Variants in PPP2CB observed in about 807,000 individuals in gnomAD.
PPP2CB encodes the protein protein phosphatase 2 catalytic subunit beta.
A neutral mutation model predicts 39.1 loss-of-function variants in PPP2CB; 18 were observed. That is an observed-to-expected ratio of 0.46 (90% confidence interval 0.32 to 0.68). PPP2CB has a LOEUF of 0.68. PPP2CB is among the 30% of genes least tolerant of loss of function. The probability of loss-of-function intolerance (pLI) is 0.04; values close to 1 mark genes in which losing one functional copy is unlikely to be tolerated. For synonymous variants in PPP2CB, 129 were observed against 133.8 expected, an observed-to-expected ratio of 0.96 and a Z score of 0.25; for missense variants, 226 against 396.9, an observed-to-expected ratio of 0.57 and a Z score of 3.66.
chr8:30,803,416 A>G (rs889262513), intron 1 of PPP2CB, among the ~76,000 whole-genome samples: 15 of 152,096 alleles, frequency 9.9e-5, no homozygotes, highest in Non-Finnish European at 1.5e-4. Context: ...GTGGTTGTGT[A>G]TTCCTGTAGT....
intron 3 of PPP2CB, among the ~76,000 whole-genome samples, chr8:30,795,976 G>A (rs1806515391): frequency 1.3e-5 from 2 of 152,252 alleles, no homozygotes; most frequent in Middle Eastern, 3.4e-3. Context: ...AAGGAAGGAA[G>A]GAGGAAGGGA....
At chr8:30,806,293 A>G (rs1157922856) in intron 1 of PPP2CB, among the ~76,000 whole-genome samples, 1 of 151,650 alleles carries the variant, frequency 6.6e-6, no homozygotes, top group Non-Finnish European at 1.5e-5. Flanking sequence ...TGACCTCATG[A>G]TCCGCCTGCC....
At chr8:30,791,101 ACTC>A in intron 6 of PPP2CB, 93 bp downstream of exon 6, 2 of 755,304 alleles carry the variant, frequency 2.6e-6, no homozygotes, top group South Asian at 4.0e-5. Flanking sequence ...GCTTTGCTAT[ACTC>A]CTCATCCAAT....
intron 6 of PPP2CB, chr8:30,786,582 T>C (rs979967756): frequency 9.2e-5 from 18 of 194,830 alleles, no homozygotes; most frequent in Non-Finnish European, 1.4e-4. Flanking sequence ...AAAGCTTAAA[T>C]AATTAAAGAT....
intron 1 of PPP2CB, among the ~76,000 whole-genome samples, chr8:30,803,914 C>T (rs1478697698): frequency 6.6e-6 from 1 of 152,004 alleles, no homozygotes; most frequent in Non-Finnish European, 1.5e-5. Context: ...CCTCCGCCTC[C>T]TGGATTCAAG....
At position 30,794,228 on chromosome 8, in the gene PPP2CB, T is replaced by A; in HGVS notation, c.540A>T (p.Ile180=). ...LSPSIDTLDH[I]RALDRLQEVP... is the part of the protein sequence containing the mutation. ...CTTCCTGTAAACGATCCAGGGCTCT[T>A]ATATGATCCAGTGTGTCTATGGATG... is the stretch of plus-strand genomic sequence containing the variant. Residue 180 remains isoleucine (I), a synonymous_variant, in exon 4 of 7, where the codon ATA becomes ATT. Transcript: ENST00000221138. 1 of 1,614,110 alleles carries A rather than the reference T, an allele frequency of 6.2e-7. No homozygotes were observed. Among genetic ancestry groups the A allele is most frequent in the Non-Finnish European group, 8.5e-7 (1 of 1,179,928 alleles).
chr8:30,790,965 G>A, intron 6 of PPP2CB: 1 of 394,440 alleles, frequency 2.5e-6, no homozygotes, highest in Non-Finnish European at 4.5e-6. Flanking sequence ...CTGAGATTTA[G>A]TAGGTTTTCT....
chr8:30,792,066 G>A (rs1225335546), intron 5 of PPP2CB, among the ~76,000 whole-genome samples: 5 of 151,300 alleles, frequency 3.3e-5, no homozygotes, highest in African/African-American at 9.8e-5. Context: ...ATGTATGTGT[G>A]TATATACACA....
intron 1 of PPP2CB, among the ~76,000 whole-genome samples, chr8:30,808,287 T>G (rs1399466861): frequency 6.6e-6 from 1 of 152,050 alleles, no homozygotes; most frequent in Non-Finnish European, 1.5e-5. Context: ...TTAGTAGAGA[T>G]AGGGTTTTAC....
intron 5 of PPP2CB, chr8:30,793,176 T>C (rs1261345322): frequency 2.0e-5 from 3 of 152,096 alleles, no homozygotes; most frequent in Non-Finnish European, 4.4e-5. Flanking sequence ...CTGCCAAAAA[T>C]GCATACATTG....
chr8:30,807,989 CTT>C (rs892137968), intron 1 of PPP2CB, among the ~76,000 whole-genome samples: 5 of 152,182 alleles, frequency 3.3e-5, no homozygotes, highest in African/African-American at 1.2e-4. Flanking sequence ...CATTCATACT[CTT>C]TATTTTTTGT....
chr8:30,805,278 A>G (rs569553869), intron 1 of PPP2CB, among the ~76,000 whole-genome samples: 2 of 152,168 alleles, frequency 1.3e-5, no homozygotes, highest in Admixed American at 6.5e-5. Flanking sequence ...TGGGATTTTG[A>G]GCTGGGCGCA....
Position 30,799,686 on chromosome 8 carries a change from C to T in PPP2CB, c.172G>A (p.Val58Met). 1 of 1,614,086 alleles carries T rather than the reference C, an allele frequency of 6.2e-7. No individual in the cohort carries two copies. The highest frequency in any genetic ancestry group is 8.5e-7 in the Non-Finnish European group (1 of 1,179,956). Residue 58 changes from valine (V) to methionine (M), a missense_variant, in exon 2 of 7, where the codon GTG becomes ATG. Val to Met is a conservative substitution (Grantham distance 21). Transcript: ENST00000221138. Reference sequence around the variant, plus strand: ...ATAAGATCATGAAATTGACCATGCACATCTCCACAGACAGTAACAGGGCAA... The same window carrying T: ...ATAAGATCATGAAATTGACCATGCATATCTCCACAGACAGTAACAGGGCAA... ...VRCPVTVCGD[V>M]HGQFHDLMEL...
rs1452627477 is a variant in PPP2CB, at chr8:30,802,375, G to A, written c.103-2620C>T. ...TTTTTTGCATATGAAGAACATGGCT[G>A]AGGAGATTATATACAGAAACATAAT... On this transcript the variant is annotated intron_variant, in intron 1 of 6. Coordinates refer to ENST00000221138, the MANE Select transcript of PPP2CB (RefSeq NM_001009552.2). Among the ~76,000 whole-genome samples, 4 of 152,186 alleles carry A rather than the reference G, an allele frequency of 2.6e-5. No homozygotes were observed. The East Asian group carries it at 7.7e-4, about 29-fold the overall frequency.
chr8:30,786,355 G>T (rs1363622589), intron 6 of PPP2CB, 48 bp from the exon 7 acceptor site: 26 of 1,407,920 alleles, frequency 1.8e-5, no homozygotes, highest in Non-Finnish European at 2.5e-5. Flanking sequence ...ACTTTGCAAA[G>T]AAAACAAATG....
chr8:30,801,437 CAGG>C (rs1205245461), intron 1 of PPP2CB, among the ~76,000 whole-genome samples: 1 of 151,316 alleles, frequency 6.6e-6, no homozygotes, highest in East Asian at 1.9e-4. Context: ...GAGGCTGAGG[CAGG>C]AGAATATGAC....
At chr8:30,795,119 A>ATTTTTTTTTTTTTTTTTTTTTTTTTTTT (rs893547625) in intron 3 of PPP2CB, among the ~76,000 whole-genome samples, 1 of 127,498 alleles carries the variant, frequency 7.8e-6, no homozygotes, top group Non-Finnish European at 1.7e-5. Context: ...TCTGATTTTG[A>ATTTTTTTTTTTTTTTTTTTTTTTTTTTT]TTTTTTTTTT....
chr8:30,788,159 C>G (rs910198024), intron 6 of PPP2CB, among the ~76,000 whole-genome samples: 7 of 151,844 alleles, frequency 4.6e-5, no homozygotes, highest in Non-Finnish European at 1.0e-4. Context: ...TATTTCTACT[C>G]TAAACCTCGT....
intron 1 of PPP2CB, among the ~76,000 whole-genome samples, chr8:30,810,975 G>A (rs1249790651): frequency 6.6e-6 from 1 of 152,128 alleles, no homozygotes; most frequent in Non-Finnish European, 1.5e-5. Context: ...AAATTTTATA[G>A]ATTACGTTTT....
Sources: allele counts gnomAD v4.1 joint callset (sites outside exome capture counted in the v4.1 genomes callset), GRCh38; gene constraint gnomAD v4.1.1; transcripts MANE v1.5; gene names NCBI Gene and HGNC (gene_info 2026-07-23, HGNC 2026-07-21).